The following CDH11 variants were observed in gnomAD, a reference collection of about 807,000 sequenced individuals.
CDH11 encodes the protein cadherin-11.
CDH11 carries 11 observed loss-of-function variants against 67.8 expected under a neutral mutation model. The observed-to-expected ratio is 0.16, with a 90% CI of 0.10 to 0.27. CDH11 has a LOEUF of 0.27. Ranked by LOEUF, CDH11 falls within the 10% of genes least tolerant of loss-of-function variation. CDH11 has a pLI of 1.00. For missense variants in CDH11, 847 were observed against 1,031.2 expected (o/e 0.82, Z 2.45); for synonymous variants, 419 against 400.0 (o/e 1.05, Z -0.57).
intron 1 of CDH11, among the ~76,000 whole-genome samples, chr16:65,113,067 C>A: frequency 6.6e-6 from 1 of 152,172 alleles, no homozygotes; most frequent in East Asian, 1.9e-4. Context: ...GCGGGCAGAT[C>A]ATAAGGTCAG....
rs555148896 is a variant in CDH11 at position 64,970,137 on chromosome 16, T to G, written c.1642+1442A>C. Among the ~76,000 whole-genome samples, 4 of 152,314 alleles carry G rather than the reference T, an allele frequency of 2.6e-5. No homozygotes were observed. In the South Asian group the frequency reaches 8.3e-4, roughly 32 times the overall value. Reference sequence around the variant, plus strand: ...CATATAACTTCCTTCACACTTCAGTTCTTAAGAGCAAGTTCATTATAGAAA... The same window carrying G: ...CATATAACTTCCTTCACACTTCAGTGCTTAAGAGCAAGTTCATTATAGAAA... On this transcript the variant is annotated intron_variant, in intron 11 of 12. Coordinates refer to ENST00000268603, the MANE Select transcript of CDH11 (RefSeq NM_001797.4).
chr16:64,967,189 G>A (rs920261467), intron 11 of CDH11, among the ~76,000 whole-genome samples: 1 of 152,098 alleles, frequency 6.6e-6, no homozygotes, highest in Non-Finnish European at 1.5e-5. Context: ...AGTAGCAATA[G>A]CTTTTGATCC....
rs55992835 is a variant in CDH11 at position 64,965,771 on chromosome 16, A to AACACAC, written c.1642+5802_1642+5807dup. Among the ~76,000 whole-genome samples, 1,418 of 146,040 alleles carry AACACAC rather than the reference A, an allele frequency of 9.7e-3. 9 individuals carry two copies. The highest frequency in any genetic ancestry group is 0.017 in the Middle Eastern group (5 of 292). ...CAAGACATTGTTATGCGGTGCATGA[A>AACACAC]ACACACACACACACACACACACACA... On this transcript the variant is annotated intron_variant, in intron 11 of 12. Transcript: ENST00000268603.
chr16:65,115,707 C>CAAAAA lies in CDH11; in HGVS notation c.-298+6168_-298+6172dup, dbSNP rs750108148. On this transcript the variant is annotated intron_variant, in intron 1 of 12. Transcript: ENST00000268603. ...TCACTCACAAAATATAAGGCTACAC[C>CAAAAA]AAAAAAAAAAAAAACAAAAAAACAA... Among the ~76,000 whole-genome samples the CAAAAA allele has an allele frequency of 1.8e-3, 110 of 59,900 alleles. 2 individuals are homozygous for CAAAAA. Among genetic ancestry groups the CAAAAA allele is most frequent in the Middle Eastern group, 0.011 (1 of 88 alleles). 39.3% of individuals were successfully genotyped at this position (59,900 alleles called of 152,430 possible).
intron 1 of CDH11, among the ~76,000 whole-genome samples, chr16:65,115,727 A>C (rs1567589039): frequency 6.6e-6 from 1 of 150,500 alleles, no homozygotes; most frequent in East Asian, 1.9e-4. Context: ...AAAAACAAAA[A>C]AACAAAACCT....
intron 1 of CDH11, among the ~76,000 whole-genome samples, chr16:65,115,762 T>C (rs1039170859): frequency 6.7e-6 from 1 of 150,292 alleles, no homozygotes; most frequent in Non-Finnish European, 1.5e-5. Context: ...AGTAATACTT[T>C]AATGCATTAT....
Position 65,081,518 on chromosome 16 carries a change from G to A in CDH11, c.-297-27590C>T, listed in dbSNP as rs1437272514. ...CGGGAGGCGGAGCTTGCAGTGAGCC[G>A]AGATCGGGCCACTGCACTCCAGCCT... On this transcript the variant is annotated intron_variant, in intron 1 of 12. Transcript: ENST00000268603. 2.7e-5 allele frequency among the ~76,000 whole-genome samples: 4 copies of A among 150,812 alleles called. No homozygotes were observed. In the East Asian group the frequency reaches 5.9e-4, roughly 22 times the overall value.
chr16:65,106,195 G>A (rs1197074257), intron 1 of CDH11, among the ~76,000 whole-genome samples: 1 of 152,134 alleles, frequency 6.6e-6, no homozygotes, highest in Non-Finnish European at 1.5e-5. Context: ...CCTCCTGTAG[G>A]GAGGTAATGT....
At chr16:64,963,745 A>G (rs1488880241) in intron 11 of CDH11, among the ~76,000 whole-genome samples, 2 of 152,206 alleles carry the variant, frequency 1.3e-5, no homozygotes, top group Non-Finnish European at 1.5e-5. Flanking sequence ...AGGAATAAAG[A>G]TAAGAATTAC....
intron 11 of CDH11, among the ~76,000 whole-genome samples, chr16:64,968,910 C>T (rs1307455874): frequency 6.6e-6 from 1 of 152,110 alleles, no homozygotes; most frequent in East Asian, 1.9e-4. Flanking sequence ...GAAAGAAAGT[C>T]TATTAAATGA....
chr16:65,112,261 A>G lies in CDH11; in HGVS notation c.-298+9619T>C, dbSNP rs377482281. ...ATAAGTAGGTAATGAGTTACATATC[A>G]CTAGCAATGCTACAACCACCACCAG... On this transcript the variant is annotated intron_variant, in intron 1 of 12. Transcript: ENST00000268603. Among the ~76,000 whole-genome samples, 8 of 152,222 alleles carry G rather than the reference A, an allele frequency of 5.3e-5. No homozygotes were observed. In the East Asian group the frequency reaches 1.4e-3, roughly 26 times the overall value.
At position 64,948,050 on chromosome 16, in the gene CDH11, G is replaced by A. The variant is rs146502017; in HGVS notation, c.1944C>T (p.Leu648=). The change falls in exon 13 of 13, where the codon CTC becomes CTT. Residue 648 remains leucine (L), a synonymous_variant. Coordinates refer to ENST00000268603, the MANE Select transcript of CDH11 (RefSeq NM_001797.4). ...VTLRRQKKEP[L]IVFEEEDVRE... is the part of the protein sequence containing the mutation. ...GGACATCTTCTTCCTCAAAGACAAT[G>A]AGTGGTTCTTTCTTTTGCCTTCTCA... The A allele has an allele frequency of 1.3e-4, 202 of 1,613,982 alleles. No homozygotes were observed. The highest frequency in any genetic ancestry group is 3.3e-4 in the Middle Eastern group (2 of 6,084).
intron 7 of CDH11, chr16:64,982,967 T>G (rs35210): frequency 0.26 from 39,953 of 152,158 alleles, 6,022 homozygotes; most frequent in Middle Eastern, 0.36. Flanking sequence ...AACATCTCCG[T>G]TTTAACACAT....
intron 1 of CDH11, among the ~76,000 whole-genome samples, chr16:65,095,532 A>G (rs2074874547): frequency 6.6e-6 from 1 of 152,194 alleles, no homozygotes; most frequent in Non-Finnish European, 1.5e-5. Flanking sequence ...CAGTGGATGT[A>G]ATTCAAGTCT....
upstream of CDH11, chr16:65,122,264 C>G (rs1013177968): frequency 1.9e-5 from 8 of 416,586 alleles, no homozygotes; most frequent in Non-Finnish European, 3.0e-5. Context: ...CCGTCCGCGC[C>G]CCTCCCCCCA....
intron 8 of CDH11, among the ~76,000 whole-genome samples, chr16:64,979,849 G>A (rs1235888387): frequency 2.8e-5 from 4 of 143,124 alleles, no homozygotes; most frequent in Non-Finnish European, 6.1e-5. Flanking sequence ...CAAATAAAAT[G>A]TGGTGCACCC....
intron 2 of CDH11, among the ~76,000 whole-genome samples, chr16:65,014,553 A>G (rs2073256212): frequency 6.6e-6 from 1 of 152,174 alleles, no homozygotes; most frequent in African/African-American, 2.4e-5. Flanking sequence ...CCATCTAGGC[A>G]GCACAGGCAT....
intron 1 of CDH11, among the ~76,000 whole-genome samples, chr16:65,084,105 T>C (rs2074656647): frequency 1.3e-5 from 2 of 152,334 alleles, no homozygotes; most frequent in South Asian, 4.1e-4. Context: ...CAATAAGTGC[T>C]GAAGTTGAGA....
chr16:65,111,524 G>A (rs568144758), intron 1 of CDH11, among the ~76,000 whole-genome samples: 6 of 152,230 alleles, frequency 3.9e-5, no homozygotes, highest in Admixed American at 2.0e-4. Context: ...ACTGTGGAGC[G>A]TAAGTCCTCT....
Sources: allele counts gnomAD v4.1 joint callset (sites outside exome capture counted in the v4.1 genomes callset), GRCh38; gene constraint gnomAD v4.1.1; transcripts MANE v1.5; gene names NCBI Gene and HGNC (gene_info 2026-07-23, HGNC 2026-07-21).